The following TRPC7 variants were observed in gnomAD, a reference collection of about 807,000 sequenced individuals.
TRPC7 encodes transient receptor potential cation channel subfamily C member 7.
TRPC7 carries 42 observed loss-of-function variants against 90.1 expected under a neutral mutation model. The observed-to-expected ratio is 0.47, with a 90% CI of 0.36 to 0.60. TRPC7 has a LOEUF of 0.60. Ranked by LOEUF, TRPC7 falls within the 20% of genes least tolerant of loss-of-function variation. The pLI is 0.00. For synonymous variants in TRPC7, 451 were observed against 436.3 expected, an observed-to-expected ratio of 1.03 and a Z score of -0.42; for missense variants, 955 against 1,112.3, an observed-to-expected ratio of 0.86 and a Z score of 2.01.
intron 2 of TRPC7, among the ~76,000 whole-genome samples, chr5:136,332,914 A>G (rs911858391): frequency 6.6e-6 from 1 of 152,206 alleles, no homozygotes; most frequent in African/African-American, 2.4e-5. Flanking sequence ...AAGCCTAGGT[A>G]TTAAGAGGCC....
At chr5:136,360,302 A>T (rs1760529384) in intron 1 of TRPC7, among the ~76,000 whole-genome samples, 1 of 152,150 alleles carries the variant, frequency 6.6e-6, no homozygotes, top group Non-Finnish European at 1.5e-5. Flanking sequence ...AAAACAAAAC[A>T]AAACAAAACA....
chr5:136,290,906 C>G (rs536828212), intron 3 of TRPC7, among the ~76,000 whole-genome samples: 8 of 152,236 alleles, frequency 5.3e-5, no homozygotes, highest in East Asian at 1.9e-4. Context: ...GTTGAGTTAC[C>G]CACAAAGGAA....
chr5:136,299,460 T>C (rs1259582138), intron 3 of TRPC7, among the ~76,000 whole-genome samples: 1 of 151,884 alleles, frequency 6.6e-6, no homozygotes, highest in Non-Finnish European at 1.5e-5. Context: ...AGGCAAGATA[T>C]GACTGTGGCT....
intron 1 of TRPC7, among the ~76,000 whole-genome samples, chr5:136,357,700 G>A (rs543331875): frequency 1.9e-4 from 29 of 152,266 alleles, no homozygotes; most frequent in Admixed American, 1.7e-3. Context: ...TGGTGGTATG[G>A]CTGAAGCAGG....
intron 2 of TRPC7, among the ~76,000 whole-genome samples, chr5:136,332,911 G>A (rs1298631960): frequency 1.3e-5 from 2 of 152,142 alleles, no homozygotes; most frequent in Non-Finnish European, 2.9e-5. Context: ...TCTAAGCCTA[G>A]GTATTAAGAG....
chr5:136,281,194 T>C, intron 3 of TRPC7, among the ~76,000 whole-genome samples: 1 of 152,146 alleles, frequency 6.6e-6, no homozygotes, highest in East Asian at 1.9e-4. Context: ...CAAGTCTCTG[T>C]AGAGATAAAA....
intron 5 of TRPC7, among the ~76,000 whole-genome samples, chr5:136,256,694 G>A (rs1371223495): frequency 6.6e-6 from 1 of 152,124 alleles, no homozygotes; most frequent in Non-Finnish European, 1.5e-5. Context: ...GTCATATCAT[G>A]GTCACTTCTG....
intron 5 of TRPC7, among the ~76,000 whole-genome samples, chr5:136,263,320 C>T (rs1580876449): frequency 6.6e-6 from 1 of 152,310 alleles, no homozygotes. Context: ...AAACTCATCA[C>T]AAGTGGCATA....
Position 136,317,055 on chromosome 5 carries a change from C to T in TRPC7, c.781-1276G>A, listed in dbSNP as rs142408770. Reference sequence around the variant, plus strand: ...CATTAGAGAAAGAGGTAAGTAACTGCTTGTTTGCTGGGAAAAGGGAAAAGA... The same window carrying T: ...CATTAGAGAAAGAGGTAAGTAACTGTTTGTTTGCTGGGAAAAGGGAAAAGA... On this transcript the variant is annotated intron_variant, in intron 2 of 11. Coordinates refer to ENST00000513104, the MANE Select transcript of TRPC7 (RefSeq NM_020389.3). Among the ~76,000 whole-genome samples the T allele has an allele frequency of 7.1e-4, 108 of 152,246 alleles. No homozygotes were observed. In the East Asian group the frequency reaches 0.021, roughly 29 times the overall value.
At chr5:136,235,291 G>C (rs1474405394) in intron 7 of TRPC7, among the ~76,000 whole-genome samples, 1 of 152,186 alleles carries the variant, frequency 6.6e-6, no homozygotes, top group Admixed American at 6.5e-5. Flanking sequence ...GTGAAAACTT[G>C]ATGCTTTTTA....
At chr5:136,301,590 C>A (rs1049493341) in intron 3 of TRPC7, among the ~76,000 whole-genome samples, 3 of 152,158 alleles carry the variant, frequency 2.0e-5, no homozygotes, top group African/African-American at 7.2e-5. Flanking sequence ...ATCTCCCCAA[C>A]TCTTAAGAAG....
chr5:136,225,219 T>C lies in TRPC7; in HGVS notation c.2343+55A>G. The stretch of plus-strand genomic sequence containing the variant: ...ACACAGTCATGGGACTAAATCTGTG[T>C]CTTAGTGGAGTCTACTTCTGCCCAT... On this transcript the variant is annotated intron_variant, in intron 10 of 11. Coordinates refer to ENST00000513104, the MANE Select transcript of TRPC7 (RefSeq NM_020389.3). 4.0e-6 allele frequency: 6 copies of C among 1,487,754 alleles called. 1 individual carries two copies. In the South Asian group the frequency reaches 7.1e-5, roughly 18 times the overall value. 92.2% of individuals were successfully genotyped at this position (1,487,754 alleles called of 1,614,324 possible).
At chr5:136,299,256 A>T (rs1416482669) in intron 3 of TRPC7, among the ~76,000 whole-genome samples, 1 of 151,598 alleles carries the variant, frequency 6.6e-6, no homozygotes, top group East Asian at 1.9e-4. Flanking sequence ...AGCTGAGATC[A>T]CACCATTGCA....
intron 3 of TRPC7, among the ~76,000 whole-genome samples, chr5:136,313,655 T>C (rs771860013): frequency 7.2e-5 from 11 of 152,218 alleles, no homozygotes; most frequent in Admixed American, 5.9e-4. Context: ...CATGATGGCA[T>C]ACAAGGTTTG....
chr5:136,234,405 G>A (rs1380197143), intron 7 of TRPC7, among the ~76,000 whole-genome samples: 1 of 152,098 alleles, frequency 6.6e-6, no homozygotes, highest in African/African-American at 2.4e-5. Flanking sequence ...CGCGTCCTGG[G>A]TTTAAGTGAT....
At chr5:136,290,343 C>T (rs554766321) in intron 3 of TRPC7, among the ~76,000 whole-genome samples, 7 of 152,094 alleles carry the variant, frequency 4.6e-5, no homozygotes, top group Admixed American at 2.6e-4. Flanking sequence ...CAAACTACTC[C>T]GAGCTAAAGG....
At chr5:136,310,911 G>T (rs1385650385) in intron 3 of TRPC7, among the ~76,000 whole-genome samples, 2 of 152,100 alleles carry the variant, frequency 1.3e-5, no homozygotes, top group Non-Finnish European at 2.9e-5. Context: ...AACACAATTT[G>T]TCAGATGGAA....
intron 10 of TRPC7, among the ~76,000 whole-genome samples, chr5:136,218,883 T>G (rs553475312): frequency 6.6e-6 from 1 of 152,302 alleles, no homozygotes; most frequent in African/African-American, 2.4e-5. Context: ...GGAGTTGTCA[T>G]TTCCATTTAC....
intron 3 of TRPC7, among the ~76,000 whole-genome samples, chr5:136,305,771 G>A (rs531832592): frequency 1.1e-4 from 17 of 152,182 alleles, no homozygotes; most frequent in South Asian, 2.1e-4. Flanking sequence ...TTAGTATTCC[G>A]TGAAACCTTT....
Sources: gnomAD v4.1 joint callset for allele counts (sites outside exome capture counted in the v4.1 genomes callset) on GRCh38, gnomAD v4.1.1 for gene constraint, MANE v1.5 for transcripts, NCBI Gene and HGNC (gene_info 2026-07-23, HGNC 2026-07-21) for gene names.